The following TBC1D2B variants were observed in gnomAD, a reference collection of about 807,000 sequenced individuals.
The protein encoded by TBC1D2B is TBC1 domain family member 2B.
TBC1D2B carries 64 observed loss-of-function variants against 100.8 expected under a neutral mutation model. The ratio of observed to expected loss-of-function variants is 0.64; its 90% CI spans 0.52 to 0.78. The LOEUF is 0.78. Among genes scored for constraint, TBC1D2B ranks in the 30% least tolerant of loss-of-function variants. The pLI is 0.00. For synonymous variants in TBC1D2B, 480 were observed against 479.7 expected (o/e 1.00, Z -0.01); for missense variants, 1,052 against 1,218.4 (o/e 0.86, Z 2.03).
intron 3 of TBC1D2B, among the ~76,000 whole-genome samples, chr15:78,044,162 T>C (rs964927627): frequency 1.4e-4 from 21 of 152,168 alleles, no homozygotes; most frequent in Non-Finnish European, 2.8e-4. Context: ...TGAGTTTCTT[T>C]TTGGATCGAT....
intron 6 of TBC1D2B, among the ~76,000 whole-genome samples, chr15:78,021,672 C>T (rs2072519023): frequency 6.6e-6 from 1 of 152,214 alleles, no homozygotes; most frequent in African/African-American, 2.4e-5. Flanking sequence ...GCCTCTTCAT[C>T]GTCTGTCGCC....
intron 12 of TBC1D2B, chr15:77,999,248 A>T: frequency 2.2e-6 from 1 of 452,030 alleles, no homozygotes; most frequent in Non-Finnish European, 4.5e-6. Context: ...GCTGTGATGA[A>T]ACAGAAATGC....
intron 3 of TBC1D2B, among the ~76,000 whole-genome samples, chr15:78,039,751 TACACACACACACAC>T (rs3972618): frequency 4.7e-5 from 7 of 147,992 alleles, no homozygotes; most frequent in Non-Finnish European, 9.0e-5. Flanking sequence ...AGAGGCTTAC[TACACACACACACAC>T]ACACACACAC....
At chr15:78,010,582 G>C (rs1321555260) in intron 9 of TBC1D2B, among the ~76,000 whole-genome samples, 1 of 152,074 alleles carries the variant, frequency 6.6e-6, no homozygotes, top group Non-Finnish European at 1.5e-5. Flanking sequence ...CACTGGCAGA[G>C]ACAGAGGAGA....
intron 1 of TBC1D2B, among the ~76,000 whole-genome samples, chr15:78,062,681 C>G (rs2073572506): frequency 6.6e-6 from 1 of 152,074 alleles, no homozygotes; most frequent in Non-Finnish European, 1.5e-5. Context: ...AATTTTCTAG[C>G]CAATTGGTAG....
In TBC1D2B at chr15:78,030,237, A is replaced by G. The variant is rs781779778; in HGVS notation, c.684-67T>C. On this transcript the variant is annotated intron_variant, in intron 3 of 12. Transcript: ENST00000300584. ...TAAAACAAAACGTAATCTCATGTAT[A>G]TAGGATTGGCAAAAATTTAAATATC... The G allele has an allele frequency of 6.0e-5, 83 of 1,391,336 alleles. No individual in the cohort carries two copies. The Middle Eastern group carries it at 8.9e-4, about 15-fold the overall frequency. The allele number at this position is 1,391,336 out of a possible 1,614,324, so 86.2% of individuals were successfully genotyped here. A position where few individuals can be genotyped will look rare whatever the true frequency, so the allele number is the denominator to read the frequency against.
At chr15:78,006,152 C>T (rs1179203937) in intron 10 of TBC1D2B, among the ~76,000 whole-genome samples, 1 of 152,148 alleles carries the variant, frequency 6.6e-6, no homozygotes, top group Non-Finnish European at 1.5e-5. Flanking sequence ...TGACCCTCCC[C>T]CCAAGTTCCT....
chr15:77,998,065 A>G lies in TBC1D2B; in HGVS notation c.*95T>C. The G allele has an allele frequency of 2.4e-6, 3 of 1,237,936 alleles. No homozygotes were observed. The highest frequency in any genetic ancestry group is 3.3e-6 in the Non-Finnish European group (3 of 915,870). The allele number at this position is 1,237,936 out of a possible 1,614,324, so 76.7% of individuals were successfully genotyped here. A position where few individuals can be genotyped will look rare whatever the true frequency, so the allele number is the denominator to read the frequency against. The stretch of plus-strand genomic sequence containing the variant: ...GGACATCTGCCCAGCAGATCCCCAG[A>G]GGACACACACGTTACATTCTGGCTT... On this transcript the variant is annotated 3_prime_UTR_variant, in exon 13 of 13. Coordinates refer to ENST00000300584, the MANE Select transcript of TBC1D2B (RefSeq NM_144572.2).
intron 2 of TBC1D2B, among the ~76,000 whole-genome samples, chr15:78,049,827 T>C (rs1315339380): frequency 6.6e-6 from 1 of 151,964 alleles, no homozygotes; most frequent in African/African-American, 2.4e-5. Flanking sequence ...GTCACATTCT[T>C]TCACAACCTG....
At chr15:78,041,369 G>A (rs1026700207) in intron 3 of TBC1D2B, among the ~76,000 whole-genome samples, 2 of 152,214 alleles carry the variant, frequency 1.3e-5, no homozygotes, top group African/African-American at 4.8e-5. Flanking sequence ...GGGGCAGCAG[G>A]GACACAGGTG....
intron 1 of TBC1D2B, among the ~76,000 whole-genome samples, chr15:78,060,654 C>T (rs1483454589): frequency 1.3e-5 from 2 of 151,832 alleles, no homozygotes; most frequent in Non-Finnish European, 2.9e-5. Context: ...CTGTGGCTCA[C>T]TCCTGTAATC....
intron 3 of TBC1D2B, among the ~76,000 whole-genome samples, chr15:78,044,022 C>CT (rs1373742334): frequency 4.3e-5 from 4 of 93,832 alleles, no homozygotes; most frequent in East Asian, 3.7e-4. Flanking sequence ...AAGACCTTAT[C>CT]TTAAAAAAAA....
chr15:78,061,619 A>G (rs893089565), intron 1 of TBC1D2B, among the ~76,000 whole-genome samples: 1 of 149,100 alleles, frequency 6.7e-6, no homozygotes, highest in African/African-American at 2.4e-5. Context: ...TAATAGCATT[A>G]GGACAACTGG....
chr15:78,035,723 G>A (rs550617778), intron 3 of TBC1D2B, among the ~76,000 whole-genome samples: 5 of 152,106 alleles, frequency 3.3e-5, no homozygotes, highest in Admixed American at 3.3e-4. Context: ...AGAGACGTAT[G>A]TACAAGAATA....
rs762134429 is a variant in TBC1D2B at position 78,030,037 on chromosome 15, T to G, written c.817A>C (p.Lys273Gln). Residue 273 changes from lysine (K) to glutamine (Q), a missense_variant, in exon 4 of 13, where the codon AAG (lysine) becomes CAG (glutamine). By Grantham distance (53) the Lys-to-Gln change is moderately conservative. Coordinates refer to ENST00000300584, the MANE Select transcript of TBC1D2B (RefSeq NM_144572.2). Reference sequence around the variant, plus strand: ...TTTCCTTCAGGGGTCAGCTTCTTCTTTTCTTCCTGTACTATGGACTCCTCT... The same window carrying G: ...TTTCCTTCAGGGGTCAGCTTCTTCTGTTCTTCCTGTACTATGGACTCCTCT... Reference protein sequence around the residue: ...DLEESIVQEEKKKLTPEGNKG... With the variant: ...DLEESIVQEEQKKLTPEGNKG... The G allele has an allele frequency of 6.8e-6, 11 of 1,608,426 alleles. No individual in the cohort carries two copies. Among genetic ancestry groups the G allele is most frequent in the Non-Finnish European group, 9.3e-6 (11 of 1,178,354 alleles).
chr15:78,054,288 G>A, intron 1 of TBC1D2B, 101 bp from the exon 2 acceptor site: 1 of 1,210,182 alleles, frequency 8.3e-7, no homozygotes, highest in Non-Finnish European at 1.1e-6. Flanking sequence ...TGCCATGTGA[G>A]AGTTAAGATG....
intron 10 of TBC1D2B, among the ~76,000 whole-genome samples, chr15:78,006,188 A>G (rs1048075218): frequency 6.6e-5 from 10 of 152,178 alleles, no homozygotes; most frequent in African/African-American, 2.4e-4. Flanking sequence ...CCACACCTCA[A>G]TGGAATTAAG....
chr15:78,062,453 T>C (rs144248034), intron 1 of TBC1D2B, among the ~76,000 whole-genome samples: 49 of 152,344 alleles, frequency 3.2e-4, no homozygotes, highest in African/African-American at 1.1e-3. Flanking sequence ...CCCATTAATC[T>C]TTAGTTTTAA....
At chr15:78,045,597 A>G (rs12593545) in intron 2 of TBC1D2B, among the ~76,000 whole-genome samples, 21,665 of 152,268 alleles carry the variant, frequency 0.14, 1,810 homozygotes, top group Non-Finnish European at 0.19. Context: ...TAAATTCACA[A>G]GCAAACATAC....
Sources: gnomAD v4.1 joint callset for allele counts (sites outside exome capture counted in the v4.1 genomes callset) on GRCh38, gnomAD v4.1.1 for gene constraint, MANE v1.5 for transcripts, NCBI Gene and HGNC (gene_info 2026-07-23, HGNC 2026-07-21) for gene names.